The following ZFYVE28 variants were observed in gnomAD, a reference collection of about 807,000 sequenced individuals.
ZFYVE28 encodes lateral signaling target protein 2 homolog.
In ZFYVE28, 40 loss-of-function variants were observed where a neutral mutation model predicts 82.1. The observed-to-expected ratio is 0.49, with a 90% CI of 0.38 to 0.63. ZFYVE28 has a LOEUF of 0.63. Among genes scored for constraint, ZFYVE28 ranks in the 30% least tolerant of loss-of-function variants. ZFYVE28 has a pLI of 0.00. For missense variants in ZFYVE28, 1,321 were observed against 1,242.1 expected (o/e 1.06, Z -0.96); for synonymous variants, 612 against 546.1 (o/e 1.12, Z -1.68).
chr4:2,301,424 G>A (rs759715263), intron 8 of ZFYVE28, among the ~76,000 whole-genome samples: 5 of 152,194 alleles, frequency 3.3e-5, no homozygotes, highest in Non-Finnish European at 4.4e-5. Context: ...CCTGTGATGT[G>A]CTTGCTTTCT....
intron 1 of ZFYVE28, among the ~76,000 whole-genome samples, chr4:2,373,494 G>A (rs1727789683): frequency 6.6e-6 from 1 of 152,188 alleles, no homozygotes; most frequent in Admixed American, 6.5e-5. Context: ...AACAGTGTGA[G>A]ACCCTGTCTC....
intron 6 of ZFYVE28, among the ~76,000 whole-genome samples, chr4:2,325,726 G>A (rs1427296887): frequency 4.7e-5 from 7 of 150,508 alleles, no homozygotes; most frequent in African/African-American, 9.8e-5. Context: ...CTTAGCCTCC[G>A]AAGTGGCTGG....
intron 8 of ZFYVE28, among the ~76,000 whole-genome samples, chr4:2,279,698 G>A (rs1469437913): frequency 2.7e-5 from 4 of 148,080 alleles, no homozygotes; most frequent in African/African-American, 7.5e-5. Flanking sequence ...GAAGAATGGC[G>A]TGAACCCGGG....
intron 8 of ZFYVE28, among the ~76,000 whole-genome samples, chr4:2,295,161 T>G (rs1183341067): frequency 9.4e-6 from 1 of 106,052 alleles, no homozygotes; most frequent in African/African-American, 3.3e-5. Flanking sequence ...TTTACAACAT[T>G]TTTTTGTTTT....
intron 8 of ZFYVE28, among the ~76,000 whole-genome samples, chr4:2,284,692 G>A (rs567385811): frequency 3.3e-5 from 5 of 152,188 alleles, no homozygotes; most frequent in East Asian, 1.9e-4. Context: ...AAAGACCTCC[G>A]GGGGGCTGAG....
intron 1 of ZFYVE28, among the ~76,000 whole-genome samples, chr4:2,361,612 C>T (rs1726167557): frequency 6.6e-6 from 1 of 152,126 alleles, no homozygotes; most frequent in African/African-American, 2.4e-5. Flanking sequence ...GGAAGCACAG[C>T]CCATCACACC....
At chr4:2,406,062 A>AAAAAG (rs1553867781) in intron 1 of ZFYVE28, among the ~76,000 whole-genome samples, 1 of 125,072 alleles carries the variant, frequency 8.0e-6, no homozygotes, top group African/African-American at 3.3e-5. Flanking sequence ...AAAAAAAAAA[A>AAAAAG]AAAGAAAGAA....
In ZFYVE28 at chr4:2,418,557, G is replaced by C. The variant is rs1233322167; in HGVS notation, c.-234C>G. On this transcript the variant is annotated 5_prime_UTR_variant, in exon 1 of 13. Transcript: ENST00000290974. The surrounding 1 kb of genome is among the most constrained non-coding windows in gnomAD (Gnocchi z 4.6). The stretch of plus-strand genomic sequence containing the variant: ...GCGCGCCGGGCAGACCTCAGACCCG[G>C]GAGTGGGCGCTCGGGCGCACGGACA... 1 of 162,680 alleles carries C rather than the reference G, an allele frequency of 6.1e-6. No homozygotes were observed. Among genetic ancestry groups the C allele is most frequent in the Non-Finnish European group, 1.3e-5 (1 of 77,446 alleles). 10.1% of individuals were successfully genotyped at this position (162,680 alleles called of 1,614,324 possible). A position where few individuals can be genotyped will look rare whatever the true frequency, so the allele number is the denominator to read the frequency against.
chr4:2,393,894 T>C (rs1730106960), intron 1 of ZFYVE28, among the ~76,000 whole-genome samples: 1 of 152,202 alleles, frequency 6.6e-6, no homozygotes, highest in Admixed American at 6.5e-5. Flanking sequence ...CGGCTTAAGA[T>C]GACAACATTC....
At chr4:2,311,179 C>A (rs913264451) in intron 7 of ZFYVE28, among the ~76,000 whole-genome samples, 6 of 151,950 alleles carry the variant, frequency 3.9e-5, no homozygotes, top group Non-Finnish European at 7.4e-5. Flanking sequence ...TATCTTTTTT[C>A]TCTTGAACTA....
In ZFYVE28 at chr4:2,372,728, G is replaced by A. The variant is rs1488003642; in HGVS notation, c.40-18655C>T. 2.0e-5 allele frequency among the ~76,000 whole-genome samples: 3 copies of A among 152,170 alleles called. No homozygotes were observed. Among genetic ancestry groups the A allele is most frequent in the African/African-American group, 7.2e-5 (3 of 41,440 alleles). ...GGCACTCCAGGGCTTCGCTGATTGT[G>A]TCAGTTAAACTCCGAGGGTTGGGGC... is the stretch of plus-strand genomic sequence containing the variant. On this transcript the variant is annotated intron_variant, in intron 1 of 12. Coordinates refer to ENST00000290974, the MANE Select transcript of ZFYVE28 (RefSeq NM_020972.3). The surrounding 1 kb of genome is among the most constrained non-coding windows in gnomAD (Gnocchi z 5.2).
chr4:2,279,642 A>T (rs112773903), intron 8 of ZFYVE28, among the ~76,000 whole-genome samples: 1 of 151,496 alleles, frequency 6.6e-6, no homozygotes, highest in Admixed American at 6.6e-5. Flanking sequence ...TTAGCCAGGC[A>T]TGGTGGCGGG....
intron 1 of ZFYVE28, among the ~76,000 whole-genome samples, chr4:2,384,569 C>T (rs1434375966): frequency 6.6e-6 from 1 of 152,104 alleles, no homozygotes; most frequent in African/African-American, 2.4e-5. Flanking sequence ...AAGCAGGAAT[C>T]TCCTCCTGAG....
intron 1 of ZFYVE28, among the ~76,000 whole-genome samples, chr4:2,378,643 G>A (rs1728409887): frequency 6.6e-6 from 1 of 152,168 alleles, no homozygotes; most frequent in African/African-American, 2.4e-5. Flanking sequence ...GGCTGGGGCT[G>A]GTCCTCCTGT....
In ZFYVE28 at chr4:2,401,426, G is replaced by A. The variant is rs117054736; in HGVS notation, c.39+16859C>T. On this transcript the variant is annotated intron_variant, in intron 1 of 12. Transcript: ENST00000290974. The stretch of plus-strand genomic sequence containing the variant: ...TCCCACCCTCACAGCCTGTGCAGTA[G>A]GTGGCCCAGGGCCCGGGTCGCAGGG... Among the ~76,000 whole-genome samples, 371 of 152,292 alleles carry A rather than the reference G, an allele frequency of 2.4e-3. 8 individuals are homozygous for A. In the East Asian group the frequency reaches 0.06, roughly 25 times the overall value.
intron 1 of ZFYVE28, among the ~76,000 whole-genome samples, chr4:2,405,117 C>T (rs1384532487): frequency 2.0e-5 from 3 of 152,194 alleles, no homozygotes; most frequent in Non-Finnish European, 4.4e-5. Flanking sequence ...CGAATTTGTC[C>T]CCAAAGGCAT....
intron 6 of ZFYVE28, among the ~76,000 whole-genome samples, chr4:2,333,291 C>G (rs1413408475): frequency 2.8e-5 from 4 of 142,296 alleles, no homozygotes; most frequent in African/African-American, 1.1e-4. Flanking sequence ...CCCCACCTCC[C>G]TCCTCTGGCC....
intron 7 of ZFYVE28, among the ~76,000 whole-genome samples, chr4:2,319,283 C>T (rs532254956): frequency 2.0e-5 from 3 of 152,252 alleles, no homozygotes; most frequent in South Asian, 2.1e-4. Context: ...AGGAAAGCAG[C>T]GACAGCCATC....
intron 1 of ZFYVE28, among the ~76,000 whole-genome samples, chr4:2,401,391 G>A (rs569897456): frequency 4.6e-5 from 7 of 152,260 alleles, no homozygotes; most frequent in Admixed American, 2.6e-4. Context: ...CAGGAGTCCC[G>A]GTGCCCACAT....
Sources: gnomAD v4.1 joint callset for allele counts (sites outside exome capture counted in the v4.1 genomes callset) on GRCh38, gnomAD v4.1.1 for gene constraint, Gnocchi (gnomAD v3.1) non-coding constraint, MANE v1.5 for transcripts, NCBI Gene and HGNC (gene_info 2026-07-23, HGNC 2026-07-21) for gene names.